KCNMA1: variants seen among roughly 807,000 people sequenced by gnomAD.
KCNMA1 encodes the protein potassium calcium-activated channel subfamily M alpha 1, also known as Calcium-activated potassium channel subunit alpha-1.
A neutral mutation model predicts 140.0 loss-of-function variants in KCNMA1; 29 were observed. The ratio of observed to expected loss-of-function variants is 0.21; its 90% CI spans 0.15 to 0.28. The LOEUF (loss-of-function observed/expected upper bound fraction) is 0.28. Ranked by LOEUF, KCNMA1 falls within the 10% of genes least tolerant of loss-of-function variation. The pLI is 1.00. For missense variants in KCNMA1, 880 were observed against 1,602.2 expected, an observed-to-expected ratio of 0.55 and a Z score of 7.70; for synonymous variants, 612 against 611.9, an observed-to-expected ratio of 1.00 and a Z score of 0.00.
chr10:77,133,085 T>A (rs530013440), intron 5 of KCNMA1, among the ~76,000 whole-genome samples: 16 of 148,478 alleles, frequency 1.1e-4, no homozygotes, highest in African/African-American at 4.0e-4. Context: ...CAGAAAAAAA[T>A]TAAAGTATGT....
intron 22 of KCNMA1, among the ~76,000 whole-genome samples, chr10:76,947,057 G>A (rs191823962): frequency 1.1e-4 from 17 of 152,230 alleles, no homozygotes; most frequent in Admixed American, 4.6e-4. Flanking sequence ...ACACAGAGCC[G>A]GGCGCGGTGG....
intron 25 of KCNMA1, among the ~76,000 whole-genome samples, chr10:76,898,013 T>C (rs2043336559): frequency 6.6e-6 from 1 of 151,714 alleles, no homozygotes; most frequent in Non-Finnish European, 1.5e-5. Flanking sequence ...GCATACAAAA[T>C]ATAGTCCACA....
At chr10:77,440,843 G>A (rs2097381190) in intron 1 of KCNMA1, among the ~76,000 whole-genome samples, 1 of 152,172 alleles carries the variant, frequency 6.6e-6, no homozygotes, top group South Asian at 2.1e-4. Context: ...TTTTGAGACA[G>A]AGTCTCATTC....
chr10:77,625,182 A>G (rs1396453663), intron 1 of KCNMA1, among the ~76,000 whole-genome samples: 1 of 152,110 alleles, frequency 6.6e-6, no homozygotes, highest in Non-Finnish European at 1.5e-5. Context: ...TCACGAGATC[A>G]GGAGATCCAG....
At chr10:76,889,391 G>C (rs754403869) in intron 27 of KCNMA1, 60 bp downstream of exon 27, 281 of 1,138,352 alleles carry the variant, frequency 2.5e-4, no homozygotes, top group Non-Finnish European at 3.6e-4. Context: ...GTAGGGGACA[G>C]GAAAGGATAT....
intron 5 of KCNMA1, among the ~76,000 whole-genome samples, chr10:77,151,697 T>C (rs560554831): frequency 2.0e-5 from 3 of 152,322 alleles, no homozygotes; most frequent in African/African-American, 7.2e-5. Context: ...ACCTAATTTC[T>C]GAATGATCCC....
chr10:77,235,661 G>A lies in KCNMA1; in HGVS notation c.602+15534C>T, dbSNP rs559650372. On this transcript the variant is annotated intron_variant, in intron 3 of 27. Transcript: ENST00000286628. ...GCCAAGGGAAGGAATAAATCGCTTC[G>A]TTTTCAACAGGGATTTTGTTGACAT... Among the ~76,000 whole-genome samples, 11 of 152,238 alleles carry A rather than the reference G, an allele frequency of 7.2e-5. No individual in the cohort carries two copies. In the South Asian group the frequency reaches 1.2e-3, roughly 17 times the overall value.
At chr10:77,038,090 C>T (rs1480959987) in intron 15 of KCNMA1, among the ~76,000 whole-genome samples, 3 of 152,172 alleles carry the variant, frequency 2.0e-5, no homozygotes, top group Non-Finnish European at 4.4e-5. Flanking sequence ...TTTCAGTAAA[C>T]AGCCAAACCA....
chr10:76,914,999 G>A lies in KCNMA1; in HGVS notation c.2953C>T (p.His985Tyr). 6.2e-7 allele frequency: 1 copy of A among 1,613,692 alleles called. No homozygotes were observed. Residue 985 changes from histidine (H) to tyrosine (Y), a missense_variant, in exon 24 of 28, where the codon CAC (histidine) becomes TAC (tyrosine). Coordinates refer to ENST00000286628, the MANE Select transcript of KCNMA1 (RefSeq NM_001161352.2). ...DRSSPDNSPV[H>Y]GMLRQPSITT... ...ATGGATGGTTGACGTAACATCCCGT[G>A]CACTGGGCTGTTATCTGGAGAGGAT...
intron 5 of KCNMA1, among the ~76,000 whole-genome samples, chr10:77,138,396 T>A (rs2098095223): frequency 6.6e-6 from 1 of 152,126 alleles, no homozygotes; most frequent in Admixed American, 6.5e-5. Context: ...CATGCTGGGA[T>A]TATAGGCATA....
intron 25 of KCNMA1, among the ~76,000 whole-genome samples, chr10:76,897,542 A>AT (rs1351685479): frequency 6.6e-6 from 1 of 152,092 alleles, no homozygotes; most frequent in Non-Finnish European, 1.5e-5. Context: ...CAACTGAAAT[A>AT]TTTTTTGACT....
chr10:77,480,525 G>A (rs1394179396), intron 1 of KCNMA1, among the ~76,000 whole-genome samples: 4 of 152,192 alleles, frequency 2.6e-5, no homozygotes, highest in African/African-American at 9.6e-5. Context: ...CAGAAAAAAA[G>A]AAACAGTCCC....
rs146704451 is a variant in KCNMA1, at chr10:77,347,453, C to T, written c.540+56409G>A. On this transcript the variant is annotated intron_variant, in intron 2 of 27. Coordinates refer to ENST00000286628, the MANE Select transcript of KCNMA1 (RefSeq NM_001161352.2). ...CCAAGTGGAAGGTGCCTCCTACCAA[C>T]GCTGAGATGAGGTTCGTGTCTGTGG... Among the ~76,000 whole-genome samples, 383 of 152,302 alleles carry T rather than the reference C, an allele frequency of 2.5e-3. 2 individuals carry two copies. Among genetic ancestry groups the T allele is most frequent in the Non-Finnish European group, 4.2e-3 (285 of 68,028 alleles).
intron 1 of KCNMA1, among the ~76,000 whole-genome samples, chr10:77,438,983 G>A (rs1378017006): frequency 6.6e-6 from 1 of 151,772 alleles, no homozygotes; most frequent in Non-Finnish European, 1.5e-5. Context: ...GGCTGAAACA[G>A]GAGAATGACT....
chr10:77,573,646 TA>T (rs756282162), intron 1 of KCNMA1, among the ~76,000 whole-genome samples: 7,891 of 46,990 alleles, frequency 0.17, 373 homozygotes, highest in East Asian at 0.35. Context: ...TGGAATGGAA[TA>T]GAATAGAATA....
chr10:77,637,027 G>A, intron 1 of KCNMA1: 4 of 1,414,226 alleles, frequency 2.8e-6, no homozygotes, highest in Non-Finnish European at 2.8e-6. Context: ...CAAGAGGACA[G>A]GATTGAGCGT....
intron 1 of KCNMA1, among the ~76,000 whole-genome samples, chr10:77,552,788 C>T (rs568990659): frequency 6.6e-6 from 1 of 152,348 alleles, no homozygotes; most frequent in African/African-American, 2.4e-5. Flanking sequence ...GTGGCTCACG[C>T]CTGTAATCTC....
At chr10:77,378,666 T>C (rs1048391990) in intron 2 of KCNMA1, among the ~76,000 whole-genome samples, 8 of 152,188 alleles carry the variant, frequency 5.3e-5, no homozygotes, top group African/African-American at 1.9e-4. Flanking sequence ...AGCTCTTAGC[T>C]CCAGGTCTCA....
At chr10:77,292,954 G>C (rs1237308462) in intron 2 of KCNMA1, among the ~76,000 whole-genome samples, 1 of 152,206 alleles carries the variant, frequency 6.6e-6, no homozygotes, top group African/African-American at 2.4e-5. Context: ...TGGGGATGGA[G>C]AGCTATATCA....
Sources: gnomAD v4.1 joint callset for allele counts (sites outside exome capture counted in the v4.1 genomes callset) on GRCh38, gnomAD v4.1.1 for gene constraint, MANE v1.5 for transcripts, NCBI Gene and HGNC (gene_info 2026-07-23, HGNC 2026-07-21) for gene names.